Variants in TSEN2 observed in about 807,000 individuals in gnomAD.
TSEN2 encodes the protein tRNA-splicing endonuclease subunit Sen2.
In TSEN2, 54 loss-of-function variants were observed where a neutral mutation model predicts 59.2. That is an observed-to-expected ratio of 0.91 (90% CI 0.73 to 1.14). TSEN2 has a LOEUF of 1.14. Ranked by LOEUF, TSEN2 falls within the 50% of genes most tolerant of loss-of-function variation. The pLI, the probability that TSEN2 is intolerant of heterozygous loss-of-function variation, is 0.00. For missense variants in TSEN2, 636 were observed against 576.2 expected, an observed-to-expected ratio of 1.10 and a Z score of -1.06; for synonymous variants, 195 against 198.2, an observed-to-expected ratio of 0.98 and a Z score of 0.14.
chr3:12,492,254 T>A, intron 3 of TSEN2, 37 bp downstream of exon 3: 1 of 1,548,644 alleles, frequency 6.5e-7, no homozygotes. Flanking sequence ...TTTGACAAAT[T>A]AATCATTTTC....
rs73142710 is a variant in TSEN2 at position 12,506,277 on chromosome 3, C to G, written c.909+1046C>G. On this transcript the variant is annotated intron_variant, in intron 6 of 11. Coordinates refer to ENST00000284995, the MANE Select transcript of TSEN2 (RefSeq NM_025265.4). Reference sequence around the variant, plus strand: ...TATTTCCTTCTGCAGGATCCCTCTACTTAATGCAGTAGCTACATTCTTGAA... The same window carrying G: ...TATTTCCTTCTGCAGGATCCCTCTAGTTAATGCAGTAGCTACATTCTTGAA... Among the ~76,000 whole-genome samples, 290 of 152,194 alleles carry G rather than the reference C, an allele frequency of 1.9e-3. 1 individual carries two copies. Among genetic ancestry groups the G allele is most frequent in the African/African-American group, 6.5e-3 (271 of 41,530 alleles).
chr3:12,516,419 C>T (rs1011881444), intron 6 of TSEN2, among the ~76,000 whole-genome samples, 192 bp from the exon 7 acceptor site: 5 of 146,232 alleles, frequency 3.4e-5, no homozygotes, highest in Non-Finnish European at 7.5e-5. Context: ...AGTGAGACTC[C>T]GTTTCAAAAA....
chr3:12,530,838 C>G, intron 10 of TSEN2: 1 of 834,084 alleles, frequency 1.2e-6, no homozygotes, highest in African/African-American at 1.8e-5. Flanking sequence ...ACCGTTTTTT[C>G]TTCTCATCAT....
chr3:12,486,492 T>G (rs1050014765), intron 1 of TSEN2, among the ~76,000 whole-genome samples: 1 of 152,228 alleles, frequency 6.6e-6, no homozygotes, highest in Non-Finnish European at 1.5e-5. Context: ...ATCTGTGAAG[T>G]CATTCTTGCA....
At chr3:12,487,552 G>C (rs773911640) in intron 1 of TSEN2, among the ~76,000 whole-genome samples, 3 of 149,588 alleles carry the variant, frequency 2.0e-5, no homozygotes, top group Admixed American at 6.6e-5. Context: ...GCTGAGCAGA[G>C]GTTATAAAAG....
chr3:12,499,675 G>T (rs1464363631), intron 4 of TSEN2, among the ~76,000 whole-genome samples: 2 of 152,180 alleles, frequency 1.3e-5, no homozygotes, highest in Non-Finnish European at 2.9e-5. Flanking sequence ...GGGAGACATT[G>T]ATATGGGTGT....
intron 6 of TSEN2, among the ~76,000 whole-genome samples, chr3:12,506,528 G>C (rs187738937): frequency 6.6e-6 from 1 of 151,276 alleles, no homozygotes; most frequent in East Asian, 1.9e-4. Context: ...CTGGGAGGTC[G>C]AGGCTTTAAT....
chr3:12,501,173 G>A (rs1344801444), intron 4 of TSEN2, among the ~76,000 whole-genome samples: 2 of 152,188 alleles, frequency 1.3e-5, no homozygotes, highest in Non-Finnish European at 2.9e-5. Context: ...AAGACACCCT[G>A]CAGGTTGTGG....
chr3:12,498,541 C>T (rs17036843), intron 4 of TSEN2, among the ~76,000 whole-genome samples: 2,508 of 152,254 alleles, frequency 0.016, 43 homozygotes, highest in South Asian at 0.059. Context: ...ATGAATCCTG[C>T]ATCTTTTTTG....
intron 1 of TSEN2, among the ~76,000 whole-genome samples, chr3:12,486,051 T>C (rs879399953): frequency 2.6e-5 from 4 of 152,226 alleles, no homozygotes; most frequent in Non-Finnish European, 5.9e-5. Flanking sequence ...ATAAGTTACA[T>C]GCAAATACTA....
In TSEN2 at chr3:12,522,033, A is replaced by T. The variant is rs573451737; in HGVS notation, c.1099+2836A>T. Among the ~76,000 whole-genome samples, 72 of 95,972 alleles carry T rather than the reference A, an allele frequency of 7.5e-4. 1 individual carries two copies. The highest frequency in any genetic ancestry group is 1.6e-3 in the African/African-American group (34 of 21,780). The allele number at this position is 95,972 out of a possible 152,430, so 63.0% of individuals were successfully genotyped here. On this transcript the variant is annotated intron_variant, in intron 8 of 11. Transcript: ENST00000284995. The stretch of plus-strand genomic sequence containing the variant: ...AAAAATAATAATAAAAAATAAAAAT[A>T]AAAAATAAAAATTAAGATATTTTGA...
chr3:12,530,843 C>T (rs888254923), intron 10 of TSEN2: 2 of 800,952 alleles, frequency 2.5e-6, no homozygotes, highest in African/African-American at 3.7e-5. Context: ...TTTTTCTTCT[C>T]ATCATTTCAA....
chr3:12,509,686 G>A (rs2055226716), intron 6 of TSEN2, among the ~76,000 whole-genome samples: 1 of 152,184 alleles, frequency 6.6e-6, no homozygotes, highest in African/African-American at 2.4e-5. Flanking sequence ...GTAAGGCCCT[G>A]CATTCCAGGT....
chr3:12,498,368 C>G (rs1465450054), intron 4 of TSEN2, among the ~76,000 whole-genome samples: 1 of 152,200 alleles, frequency 6.6e-6, no homozygotes, highest in African/African-American at 2.4e-5. Flanking sequence ...GGCATGAACT[C>G]AATCTGCATT....
chr3:12,503,442 C>T lies in TSEN2; in HGVS notation c.489C>T (p.Gly163=). The T allele has an allele frequency of 6.2e-7, 1 of 1,614,184 alleles. No individual in the cohort carries two copies. The highest frequency in any genetic ancestry group is 1.1e-5 in the South Asian group (1 of 91,082). The change falls in exon 5 of 12, where the codon GGC becomes GGT. Residue 163 remains glycine, a synonymous_variant. Coordinates refer to ENST00000284995, the MANE Select transcript of TSEN2 (RefSeq NM_025265.4). The stretch of plus-strand genomic sequence containing the variant: ...CTGGAATGGTTTCCAACATGGAAGG[C>T]ACAGCAGGGGGAGAGAGACCTTCTG... The part of the protein sequence containing the change: ...LNSGMVSNME[G]TAGGERPSVV...
upstream of TSEN2, among the ~76,000 whole-genome samples, chr3:12,483,378 C>T (rs575914068): frequency 2.2e-4 from 34 of 152,250 alleles, no homozygotes; most frequent in South Asian, 6.6e-3. Flanking sequence ...GAGCCAGGCT[C>T]CGTCTCAAAA....
chr3:12,481,129 G>T (rs1325258221), upstream of TSEN2, among the ~76,000 whole-genome samples: 2 of 152,228 alleles, frequency 1.3e-5, no homozygotes, highest in African/African-American at 4.8e-5. Flanking sequence ...TTGAATTTCA[G>T]ATAAACTTTT....
At chr3:12,518,971 A>G (rs1256189163) in intron 7 of TSEN2, 88 bp from the exon 8 acceptor site, 1 of 1,333,430 alleles carries the variant, frequency 7.5e-7, no homozygotes, top group Non-Finnish European at 1.1e-6. Flanking sequence ...CTTCAGCTCC[A>G]CACTTAGTAT....
chr3:12,492,193 C>G lies in TSEN2; in HGVS notation c.247C>G (p.Pro83Ala), dbSNP rs760035363. ...RSRPSFTISD[P>A]KLVAKWKDMK... Reference sequence around the variant, plus strand: ...CCGTCCAAGCTTCACAATTTCAGATCCTAAACTGGTTGCTAAATGGAAAGG... The same window carrying G: ...CCGTCCAAGCTTCACAATTTCAGATGCTAAACTGGTTGCTAAATGGAAAGG... The change falls in exon 3 of 12, where the codon CCT becomes GCT. Residue 83 changes from proline (P) to alanine (A), a missense_variant. Physicochemically the swap from Pro to Ala is conservative, Grantham distance 27 (BLOSUM62 -1). Coordinates refer to ENST00000284995, the MANE Select transcript of TSEN2 (RefSeq NM_025265.4). The G allele has an allele frequency of 1.2e-6, 2 of 1,613,976 alleles. No homozygotes were observed. The highest frequency in any genetic ancestry group is 2.2e-5 in the South Asian group (2 of 91,068).
Sources: gnomAD v4.1 joint callset for allele counts (sites outside exome capture counted in the v4.1 genomes callset) on GRCh38, gnomAD v4.1.1 for gene constraint, MANE v1.5 for transcripts, NCBI Gene and HGNC (gene_info 2026-07-23, HGNC 2026-07-21) for gene names.